Variants in HEATR5A observed in about 807,000 individuals in gnomAD.
The protein encoded by HEATR5A is HEAT repeat containing 5A.
In HEATR5A, 178 loss-of-function variants were observed where a neutral mutation model predicts 218.8. The observed-to-expected ratio is 0.81, with a 90% CI of 0.72 to 0.92. The LOEUF is 0.92. Ranked by LOEUF, HEATR5A falls within the 40% of genes least tolerant of loss-of-function variation. The probability of loss-of-function intolerance (pLI) is 0.00; values close to 1 mark genes in which losing one functional copy is unlikely to be tolerated. For synonymous variants in HEATR5A, 864 were observed against 871.6 expected (o/e 0.99, Z 0.15); for missense variants, 2,420 against 2,418.9 (o/e 1.00, Z -0.01).
intron 1 of HEATR5A, among the ~76,000 whole-genome samples, chr14:31,416,283 AT>A (rs574157520): frequency 3.4e-5 from 5 of 149,166 alleles, no homozygotes; most frequent in East Asian, 1.9e-4. Context: ...CGCCCGGCTA[AT>A]TTTTTTTTTG....
At chr14:31,367,580 T>TTC (rs1290504881) in intron 13 of HEATR5A, among the ~76,000 whole-genome samples, 2 of 137,528 alleles carry the variant, frequency 1.5e-5, no homozygotes, top group Non-Finnish European at 3.1e-5. Context: ...TTTTTTTTTT[T>TTC]TTTTTTTTTT....
intron 22 of HEATR5A, among the ~76,000 whole-genome samples, chr14:31,336,209 CATACATACAT>C (rs1447360578): frequency 0.01 from 591 of 57,542 alleles, 17 homozygotes; most frequent in South Asian, 0.021. Flanking sequence ...TTTATATATA[CATACATACAT>C]ATATATATAT....
chr14:31,349,332 C>T (rs767382816), intron 18 of HEATR5A, among the ~76,000 whole-genome samples: 5 of 151,814 alleles, frequency 3.3e-5, no homozygotes, highest in African/African-American at 9.7e-5. Context: ...TGCAGTAAGC[C>T]GAGATCGCGC....
chr14:31,416,334 C>T (rs1178770406), intron 1 of HEATR5A, among the ~76,000 whole-genome samples: 1 of 152,150 alleles, frequency 6.6e-6, no homozygotes, highest in Non-Finnish European at 1.5e-5. Context: ...GTTGGCCAGG[C>T]TGATCTCAAA....
intron 3 of HEATR5A, 68 bp downstream of exon 3, chr14:31,400,232 TG>T: frequency 2.0e-6 from 2 of 987,542 alleles, no homozygotes; most frequent in South Asian, 1.5e-5. Flanking sequence ...TCAAGTACTA[TG>T]GGTACTTCAT....
At chr14:31,302,225 C>CT in intron 33 of HEATR5A, 70 bp downstream of exon 33, 1 of 1,101,332 alleles carries the variant, frequency 9.1e-7, no homozygotes, top group Non-Finnish European at 1.3e-6. Context: ...AGTAAAATAT[C>CT]TTATCCTCAA....
chr14:31,363,808 C>T (rs956247922), intron 14 of HEATR5A, among the ~76,000 whole-genome samples: 10 of 152,102 alleles, frequency 6.6e-5, no homozygotes, highest in African/African-American at 2.4e-4. Flanking sequence ...TGGCGAAACC[C>T]TGTCTCTAAC....
chr14:31,355,796 T>C (rs1210251662), intron 16 of HEATR5A, among the ~76,000 whole-genome samples: 1 of 152,214 alleles, frequency 6.6e-6, no homozygotes, highest in Non-Finnish European at 1.5e-5. Flanking sequence ...TTCCAACCGG[T>C]AAACATTTTT....
chr14:31,302,318 G>A lies in HEATR5A; in HGVS notation c.5441C>T (p.Thr1814Ile), dbSNP rs762520952. 2 of 1,598,588 alleles carry A rather than the reference G, an allele frequency of 1.3e-6. No individual in the cohort carries two copies. The highest frequency in any genetic ancestry group is 2.2e-5 in the East Asian group (1 of 44,462). ...WTDLLRSALT[T>I]ILDCWDPVDE... ...ACCTGGATCCCAACAGTCAAGAATTGTTGTTAAGGCACTTCGGAGAAGGTC... is the reference window on the plus strand; with the variant it reads ...ACCTGGATCCCAACAGTCAAGAATTATTGTTAAGGCACTTCGGAGAAGGTC... The change falls in exon 33 of 36, where the codon ACA becomes ATA. Residue 1814 changes from threonine (T) to isoleucine (I), a missense_variant. Transcript: ENST00000543095.
chr14:31,346,320 G>A (rs939719753), intron 19 of HEATR5A, among the ~76,000 whole-genome samples: 1 of 152,052 alleles, frequency 6.6e-6, no homozygotes, highest in Non-Finnish European at 1.5e-5. Context: ...TATAATAGAA[G>A]CAAAAAGTAC....
intron 24 of HEATR5A, 140 bp downstream of exon 24, chr14:31,323,425 G>C: frequency 1.9e-6 from 1 of 533,458 alleles, no homozygotes; most frequent in Non-Finnish European, 2.9e-6. Context: ...GCCTCCCAAA[G>C]TGTTAGGATT....
At position 31,313,102 on chromosome 14, in the gene HEATR5A, G is replaced by T; in HGVS notation, c.4307C>A (p.Ser1436Ter). 6.2e-7 allele frequency: 1 copy of T among 1,613,808 alleles called. No homozygotes were observed. Among genetic ancestry groups the T allele is most frequent in the South Asian group, 1.1e-5 (1 of 91,076 alleles). The change falls in exon 28 of 36, where the codon TCA becomes TAA. Residue 1436 changes from serine to a stop codon, truncating the protein, a stop_gained. Coordinates refer to ENST00000543095, the MANE Select transcript of HEATR5A (RefSeq NM_015473.4). LOFTEE classifies it high-confidence loss of function. ...GTCAAGCAGTCCATCTGATGAACAT[G>T]ATCCATTTCTGATACCGTCTTCTAA... ...TCLEDGIRNGSCSSDGLLDLV... is the reference protein window; with the variant it reads ...TCLEDGIRNG
chr14:31,328,741 A>G (rs12890388), intron 22 of HEATR5A, among the ~76,000 whole-genome samples: 151,939 of 152,172 alleles, frequency 1, 75,854 homozygotes, highest in Middle Eastern at 1. Flanking sequence ...TTAGCCAGGC[A>G]TGGTGGCAGG....
intron 13 of HEATR5A, among the ~76,000 whole-genome samples, chr14:31,370,361 A>C (rs1595146448): frequency 6.6e-6 from 1 of 152,242 alleles, no homozygotes; most frequent in East Asian, 1.9e-4. Context: ...AAACATATAA[A>C]ATTATACTTA....
At chr14:31,400,966 A>C (rs2030855736) in intron 2 of HEATR5A, among the ~76,000 whole-genome samples, 1 of 151,482 alleles carries the variant, frequency 6.6e-6, no homozygotes, top group South Asian at 2.1e-4. Context: ...CAGCCTCCCG[A>C]GTAGCTGGGA....
chr14:31,394,852 A>G (rs1007891527), intron 5 of HEATR5A, among the ~76,000 whole-genome samples: 31 of 152,156 alleles, frequency 2.0e-4, no homozygotes, highest in Non-Finnish European at 2.6e-4. Context: ...TCTCTTACCA[A>G]CTATGTTAAG....
At chr14:31,299,417 T>C (rs765352700) in intron 33 of HEATR5A, among the ~76,000 whole-genome samples, 1 of 152,192 alleles carries the variant, frequency 6.6e-6, no homozygotes, top group African/African-American at 2.4e-5. Flanking sequence ...CATATTACTT[T>C]CCTTTTTAAA....
At chr14:31,331,737 A>C (rs1324591698) in intron 22 of HEATR5A, among the ~76,000 whole-genome samples, 2 of 152,174 alleles carry the variant, frequency 1.3e-5, no homozygotes, top group African/African-American at 4.8e-5. Context: ...GGAAACTTAC[A>C]ATCATGGTGG....
chr14:31,346,323 A>G (rs1464916030), intron 19 of HEATR5A, among the ~76,000 whole-genome samples: 3 of 152,210 alleles, frequency 2.0e-5, no homozygotes, highest in African/African-American at 7.2e-5. Flanking sequence ...AATAGAAGCA[A>G]AAAGTACTAT....
Sources: gnomAD v4.1 joint callset for allele counts (sites outside exome capture counted in the v4.1 genomes callset) on GRCh38, gnomAD v4.1.1 for gene constraint, MANE v1.5 for transcripts, NCBI Gene and HGNC (gene_info 2026-07-23, HGNC 2026-07-21) for gene names.